Variants in CYP3A7 observed in about 807,000 individuals in gnomAD.
CYP3A7 encodes the protein cytochrome P450 3A7.
Under a neutral mutation model 55.2 loss-of-function variants are expected in CYP3A7, and 45 were observed. That is an observed-to-expected ratio of 0.82 (90% CI 0.64 to 1.05). CYP3A7 has a LOEUF of 1.05. Among genes scored for constraint, CYP3A7 ranks in the 50% least tolerant of loss-of-function variants. CYP3A7 has a pLI of 0.00. For synonymous variants in CYP3A7, 180 were observed against 207.4 expected (o/e 0.87, Z 1.13); for missense variants, 548 against 605.3 (o/e 0.91, Z 0.99).
chr7:99,709,249 A>G lies in CYP3A7; in HGVS notation c.1039T>C (p.Tyr347His), dbSNP rs1312084131. The G allele has an allele frequency of 1.9e-6, 3 of 1,613,706 alleles. No individual in the cohort carries two copies. Among genetic ancestry groups the G allele is most frequent in the African/African-American group, 2.7e-5 (2 of 74,932 alleles). ...TVLPNKAPPT[Y>H]DTVLQLEYLD... Reference sequence around the variant, plus strand: ...TACTCCAACTGTAGCACAGTATCATAGGTGGGTGGTGCCTGAAAAGAAAGA... The same window carrying G: ...TACTCCAACTGTAGCACAGTATCATGGGTGGGTGGTGCCTGAAAAGAAAGA... The change falls in exon 11 of 13, where the codon TAT (tyrosine) becomes CAT (histidine). Residue 347 changes from tyrosine to histidine, a missense_variant. Tyr to His is a moderately conservative substitution (Grantham distance 83). Transcript: ENST00000336374.
intron 4 of CYP3A7, among the ~76,000 whole-genome samples, chr7:99,720,025 AC>A (rs532203469): frequency 4.2e-4 from 64 of 152,304 alleles, no homozygotes; most frequent in African/African-American, 1.5e-3. Context: ...ACAAACAAAA[AC>A]AAAAACAAAA....
chr7:99,731,314 C>T (rs578136546), intron 1 of CYP3A7, among the ~76,000 whole-genome samples, 162 bp from the exon 2 acceptor site: 95 of 152,296 alleles, frequency 6.2e-4, no homozygotes, highest in African/African-American at 2.2e-3. Context: ...ATTTGTTCAT[C>T]AGGTCCTTTC....
At chr7:99,728,599 A>G (rs533670401) in intron 2 of CYP3A7, among the ~76,000 whole-genome samples, 1 of 152,180 alleles carries the variant, frequency 6.6e-6, no homozygotes, top group South Asian at 2.1e-4. Context: ...TCCACCACGT[A>G]CATATGTCTA....
chr7:99,734,491 A>G (rs1209233901), intron 1 of CYP3A7, among the ~76,000 whole-genome samples: 2 of 152,200 alleles, frequency 1.3e-5, no homozygotes, highest in African/African-American at 4.8e-5. Context: ...CCTTCTTTCC[A>G]CTAAAGATGA....
At chr7:99,728,172 A>C (rs1187913033) in intron 2 of CYP3A7, among the ~76,000 whole-genome samples, 1 of 152,122 alleles carries the variant, frequency 6.6e-6, no homozygotes, top group East Asian at 1.9e-4. Context: ...ACCAAGAAAA[A>C]TATCTCCTTC....
In CYP3A7 at chr7:99,705,580, G is replaced by T; in HGVS notation, c.1432C>A (p.Arg478Ser). ...CKETQIPLKL[R>S]FGGLLLTEKP... Reference sequence around the variant, plus strand: ...TCTGTTAGAAGAAGTCCTCCAAAGCGTAATTTCAGGGGGATCTGCAACAGT... The same window carrying T: ...TCTGTTAGAAGAAGTCCTCCAAAGCTTAATTTCAGGGGGATCTGCAACAGT... The change falls in exon 13 of 13, where the codon CGC (arginine) becomes AGC (serine). Residue 478 changes from arginine (R) to serine (S), a missense_variant. Coordinates refer to ENST00000336374, the MANE Select transcript of CYP3A7 (RefSeq NM_000765.5). The T allele has an allele frequency of 6.2e-7, 1 of 1,613,236 alleles. No homozygotes were observed. Among genetic ancestry groups the T allele is most frequent in the Non-Finnish European group, 8.5e-7 (1 of 1,179,470 alleles).
intron 2 of CYP3A7, among the ~76,000 whole-genome samples, chr7:99,724,685 C>T (rs1326782407): frequency 2.0e-5 from 3 of 152,090 alleles, no homozygotes; most frequent in African/African-American, 7.2e-5. Context: ...AGTTTCATTC[C>T]GAGACTAGCC....
At chr7:99,711,174 A>G (rs1183807846) in intron 9 of CYP3A7, among the ~76,000 whole-genome samples, 1 of 152,334 alleles carries the variant, frequency 6.6e-6, no homozygotes, top group Middle Eastern at 3.4e-3. Context: ...ATTTCCAGAG[A>G]GAACATTTCT....
intron 2 of CYP3A7, among the ~76,000 whole-genome samples, chr7:99,728,101 T>C (rs112616676): frequency 0.043 from 6,586 of 152,176 alleles, 453 homozygotes; most frequent in African/African-American, 0.15. Flanking sequence ...CACTCCTATT[T>C]ACTCTCCCAC....
intron 4 of CYP3A7, among the ~76,000 whole-genome samples, chr7:99,719,172 C>T (rs1814085346): frequency 6.6e-6 from 1 of 152,134 alleles, no homozygotes; most frequent in African/African-American, 2.4e-5. Flanking sequence ...TATGGAAAAG[C>T]AGAGGACCAG....
At position 99,734,966 on chromosome 7, in the gene CYP3A7, C is replaced by T. The variant is rs1199153402; in HGVS notation, c.71+57G>A. On this transcript the variant is annotated intron_variant, in intron 1 of 12. Transcript: ENST00000336374. ...CAAAACAGATAAGGGAAAGAGAGGC[C>T]TGATTAGCACCCCAAGTCCAAGGAA... 14 of 1,612,320 alleles carry T rather than the reference C, an allele frequency of 8.7e-6. No individual in the cohort carries two copies. The African/African-American group carries it at 1.1e-4, about 12-fold the overall frequency.
intron 2 of CYP3A7, among the ~76,000 whole-genome samples, chr7:99,723,108 G>T (rs936752462): frequency 6.6e-6 from 1 of 152,094 alleles, no homozygotes; most frequent in Admixed American, 6.6e-5. Context: ...GTGTATCTTG[G>T]GGGTACATCT....
chr7:99,723,307 T>C (rs907141946), intron 2 of CYP3A7, among the ~76,000 whole-genome samples: 1 of 152,224 alleles, frequency 6.6e-6, no homozygotes, highest in Non-Finnish European at 1.5e-5. Flanking sequence ...AACTGATCGA[T>C]TGATCGACCT....
intron 2 of CYP3A7, among the ~76,000 whole-genome samples, chr7:99,726,285 A>G (rs1293585845): frequency 1.3e-5 from 2 of 152,150 alleles, no homozygotes; most frequent in East Asian, 1.9e-4. Context: ...CTTTAAGGAG[A>G]TTGAAGCCTG....
chr7:99,709,788 G>A (rs904006498), intron 10 of CYP3A7, among the ~76,000 whole-genome samples: 33 of 150,330 alleles, frequency 2.2e-4, no homozygotes, highest in East Asian at 9.7e-4. Flanking sequence ...GTGTGTGTGT[G>A]TATATATATA....
chr7:99,705,442 T>G lies in CYP3A7; in HGVS notation c.*58A>C. The G allele has an allele frequency of 6.4e-7, 1 of 1,566,458 alleles. No homozygotes were observed. Among genetic ancestry groups the G allele is most frequent in the Non-Finnish European group, 8.8e-7 (1 of 1,138,304 alleles). On this transcript the variant is annotated 3_prime_UTR_variant, in exon 13 of 13. Transcript: ENST00000336374. ...GTTCTATTTGTAAAGTAATTTGAGGTCTCTGGTGTTCTGGGGCACAGCTTT... is the reference window on the plus strand; with the variant it reads ...GTTCTATTTGTAAAGTAATTTGAGGGCTCTGGTGTTCTGGGGCACAGCTTT...
At chr7:99,724,040 T>TACCACCTTCCCTGGGTGGCAAGC (rs1235502953) in intron 2 of CYP3A7, among the ~76,000 whole-genome samples, 1 of 151,926 alleles carries the variant, frequency 6.6e-6, no homozygotes, top group Admixed American at 6.6e-5. Context: ...GGGTGGCAAG[T>TACCACCTTCCCTGGGTGGCAAGC]ACCACCTTCC....
chr7:99,729,065 C>T (rs1259173663), intron 2 of CYP3A7, among the ~76,000 whole-genome samples: 5 of 152,106 alleles, frequency 3.3e-5, no homozygotes, highest in African/African-American at 9.7e-5. Context: ...AAGATAAAGA[C>T]CAAAAACTCA....
chr7:99,734,460 C>T (rs2687133), intron 1 of CYP3A7, among the ~76,000 whole-genome samples: 117,723 of 152,044 alleles, frequency 0.77, 48,781 homozygotes, highest in Non-Finnish European at 0.93. Flanking sequence ...AGATTATCCT[C>T]AATCAATGCT....
Sources: allele counts gnomAD v4.1 joint callset (sites outside exome capture counted in the v4.1 genomes callset), GRCh38; gene constraint gnomAD v4.1.1; transcripts MANE v1.5; gene names NCBI Gene and HGNC (gene_info 2026-07-23, HGNC 2026-07-21).